Variants in SPG11 observed in about 807,000 individuals in gnomAD.
The protein encoded by SPG11 is SPG11 vesicle trafficking associated, spatacsin.
Under a neutral mutation model 274.0 loss-of-function variants are expected in SPG11, and 222 were observed. The observed-to-expected ratio is 0.81, with a 90% CI of 0.73 to 0.91. SPG11 has a LOEUF of 0.91. Ranked by LOEUF, SPG11 falls within the 40% of genes least tolerant of loss-of-function variation. SPG11 has a pLI of 0.00. For missense variants in SPG11, 3,114 were observed against 2,872.7 expected (o/e 1.08, Z -1.92); for synonymous variants, 1,144 against 1,039.7 (o/e 1.10, Z -1.93).
chr15:44,604,910 G>A (rs2083281584), intron 20 of SPG11, among the ~76,000 whole-genome samples: 1 of 137,280 alleles, frequency 7.3e-6, no homozygotes, highest in African/African-American at 2.8e-5. Flanking sequence ...CTCCAGCCTG[G>A]GCGGAACAAG....
intron 20 of SPG11, among the ~76,000 whole-genome samples, chr15:44,601,285 G>T: frequency 6.6e-6 from 1 of 151,488 alleles, no homozygotes; most frequent in African/African-American, 2.4e-5. Context: ...TTTTAAGACA[G>T]GGTCTGGCTC....
chr15:44,596,267 T>C lies in SPG11; in HGVS notation c.4250A>G (p.Lys1417Arg). The C allele has an allele frequency of 6.2e-7, 1 of 1,614,180 alleles. No individual in the cohort carries two copies. The highest frequency in any genetic ancestry group is 1.1e-5 in the South Asian group (1 of 91,084). ...ATTGCAGACTTGATCGCTGTCCATT[T>C]TGGAGGTGGGCACTGAGGGCAAGTT... ...FENLPSVPTS[K>R]MDSDQVCNKC... Residue 1417 changes from lysine to arginine, a missense_variant, in exon 25 of 40, where the codon AAA becomes AGA. By Grantham distance (26) the Lys-to-Arg change is conservative. Transcript: ENST00000261866.
At chr15:44,623,671 T>C (rs556153470) in intron 11 of SPG11, among the ~76,000 whole-genome samples, 1 of 152,332 alleles carries the variant, frequency 6.6e-6, no homozygotes, top group South Asian at 2.1e-4. Flanking sequence ...TGAGCTCCTA[T>C]GCATGCTTCG....
chr15:44,619,854 T>C (rs1314853147), intron 15 of SPG11, among the ~76,000 whole-genome samples: 4 of 151,614 alleles, frequency 2.6e-5, no homozygotes, highest in Non-Finnish European at 5.9e-5. Flanking sequence ...TCCCAAGTAG[T>C]TGGGAGTACC....
intron 2 of SPG11, among the ~76,000 whole-genome samples, chr15:44,659,695 C>T (rs1303946898): frequency 6.6e-6 from 1 of 152,074 alleles, no homozygotes; most frequent in East Asian, 1.9e-4. Context: ...ATTTCTGCTC[C>T]CGGCAGTCAA....
At chr15:44,599,888 G>A (rs1203155467) in intron 21 of SPG11, among the ~76,000 whole-genome samples, 3 of 151,974 alleles carry the variant, frequency 2.0e-5, no homozygotes, top group South Asian at 4.2e-4. Flanking sequence ...GGATACATGT[G>A]CAGAACATGC....
At chr15:44,596,988 A>C (rs1282171538) in intron 23 of SPG11, 45 bp from the exon 24 acceptor site, 3 of 1,591,508 alleles carry the variant, frequency 1.9e-6, no homozygotes, top group Non-Finnish European at 2.6e-6. Context: ...AAAAACAAAA[A>C]ACTCATTAAA....
At chr15:44,625,866 G>A (rs1235216936) in intron 11 of SPG11, among the ~76,000 whole-genome samples, 1 of 151,490 alleles carries the variant, frequency 6.6e-6, no homozygotes, top group Non-Finnish European at 1.5e-5. Flanking sequence ...TTTTAGTAGA[G>A]ACGGGGTTTC....
At chr15:44,588,559 A>G (rs1486006768) in intron 28 of SPG11, 4 of 300,258 alleles carry the variant, frequency 1.3e-5, no homozygotes, top group Non-Finnish European at 2.8e-5. Flanking sequence ...TAGGAAATAA[A>G]CACAAACCTT....
At chr15:44,604,110 CT>C (rs1308109900) in intron 20 of SPG11, 4 of 429,656 alleles carry the variant, frequency 9.3e-6, no homozygotes, top group African/African-American at 2.1e-5. Context: ...TGTACCTGCT[CT>C]TGTTTTCAAA....
chr15:44,638,696 G>C (rs2084353881), intron 7 of SPG11, among the ~76,000 whole-genome samples: 1 of 151,966 alleles, frequency 6.6e-6, no homozygotes, highest in South Asian at 2.1e-4. Flanking sequence ...AAGAGTTTTT[G>C]CTTGATAATT....
chr15:44,579,893 C>T (rs1007535105), intron 30 of SPG11, among the ~76,000 whole-genome samples: 1 of 152,142 alleles, frequency 6.6e-6, no homozygotes, highest in African/African-American at 2.4e-5. Context: ...GTCATTGTGA[C>T]ATAGCACAAT....
chr15:44,595,598 A>C, intron 25 of SPG11, 139 bp from the exon 26 acceptor site: 1 of 949,686 alleles, frequency 1.1e-6, no homozygotes, highest in South Asian at 1.4e-5. Context: ...TCAAACATGA[A>C]ACAAACTAAT....
chr15:44,652,322 G>A (rs1223745349), intron 4 of SPG11, 56 bp from the exon 5 acceptor site: 2 of 1,575,008 alleles, frequency 1.3e-6, no homozygotes, highest in Non-Finnish European at 1.7e-6. Context: ...ACCCAAATTT[G>A]TGTTACTACT....
intron 4 of SPG11, 29 bp from the exon 5 acceptor site, chr15:44,652,295 GA>G (rs1428278338): frequency 6.2e-7 from 1 of 1,612,948 alleles, no homozygotes; most frequent in Non-Finnish European, 8.5e-7. Flanking sequence ...ATAGACATAT[GA>G]AAAAATGATG....
At chr15:44,598,045 T>C (rs2083088822) in intron 23 of SPG11, among the ~76,000 whole-genome samples, 1 of 152,218 alleles carries the variant, frequency 6.6e-6, no homozygotes, top group African/African-American at 2.4e-5. Context: ...AGTCCATCTC[T>C]AAAGAGAGAA....
chr15:44,592,214 G>A (rs139180394), intron 27 of SPG11, 117 bp downstream of exon 27: 11 of 711,230 alleles, frequency 1.5e-5, no homozygotes, highest in African/African-American at 7.0e-5. Context: ...AGCTGTGATC[G>A]TAACACTGTG....
intron 31 of SPG11, among the ~76,000 whole-genome samples, chr15:44,574,600 T>C (rs3825945): frequency 6.6e-6 from 1 of 152,136 alleles, no homozygotes; most frequent in Non-Finnish European, 1.5e-5. Context: ...ACCCAAGATA[T>C]TAAGTCTAGA....
intron 15 of SPG11, among the ~76,000 whole-genome samples, chr15:44,618,586 G>T (rs1328082310): frequency 6.6e-6 from 1 of 151,182 alleles, no homozygotes; most frequent in Non-Finnish European, 1.5e-5. Flanking sequence ...GGGAGGCCGA[G>T]GCGGGCAGAA....
Sources: gnomAD v4.1 joint callset for allele counts (sites outside exome capture counted in the v4.1 genomes callset) on GRCh38, gnomAD v4.1.1 for gene constraint, MANE v1.5 for transcripts, NCBI Gene and HGNC (gene_info 2026-07-23, HGNC 2026-07-21) for gene names.